Variants in PDZD7 observed in about 807,000 individuals in gnomAD.
The protein encoded by PDZD7 is PDZ domain containing 7, also known as PDZ domain-containing protein 7.
Under a neutral mutation model 84.7 loss-of-function variants are expected in PDZD7, and 72 were observed. The ratio of observed to expected loss-of-function variants is 0.85; its 90% CI spans 0.70 to 1.03. The LOEUF (loss-of-function observed/expected upper bound fraction) is 1.03. PDZD7 is among the 50% of genes least tolerant of loss of function. PDZD7 has a pLI of 0.00. For synonymous variants in PDZD7, 594 were observed against 580.7 expected (o/e 1.02, Z -0.33); for missense variants, 1,490 against 1,412.9 (o/e 1.05, Z -0.87).
intron 13 of PDZD7, 32 bp from the exon 14 acceptor site, chr10:101,011,793 G>C: frequency 1.3e-6 from 2 of 1,550,498 alleles, no homozygotes; most frequent in East Asian, 2.4e-5. Flanking sequence ...TCAGCGGCAA[G>C]GTACCCCGCC....
Position 101,021,883 on chromosome 10 carries a change from G to T in PDZD7, c.782C>A (p.Ala261Asp). The T allele has an allele frequency of 6.2e-7, 1 of 1,614,138 alleles. No individual in the cohort carries two copies. Among genetic ancestry groups the T allele is most frequent in the Non-Finnish European group, 8.5e-7 (1 of 1,180,024 alleles). ...GATGTCGTCAAACCTGACACCGTTGGCTGCCAGGACCTGGTCCCCCACCTT... is the reference window on the plus strand; with the variant it reads ...GATGTCGTCAAACCTGACACCGTTGTCTGCCAGGACCTGGTCCCCCACCTT... ...GIKVGDQVLA[A>D]NGVRFDDISH... The change falls in exon 6 of 17, where the codon GCC becomes GAC. Residue 261 changes from alanine to aspartate, a missense_variant. Transcript: ENST00000619208.
At chr10:101,016,303 G>T in intron 10 of PDZD7, 74 bp downstream of exon 10, 1 of 1,468,190 alleles carries the variant, frequency 6.8e-7, no homozygotes, top group Non-Finnish European at 9.3e-7. Context: ...GAGCCACTCA[G>T]CTGGCCCCCA....
At chr10:101,017,618 A>G in intron 9 of PDZD7, 3 of 701,808 alleles carry the variant, frequency 4.3e-6, no homozygotes, top group Non-Finnish European at 7.8e-6. Context: ...CCCCATCTCT[A>G]CAAAAAGATG....
intron 2 of PDZD7, among the ~76,000 whole-genome samples, chr10:101,025,693 G>T (rs528528608): frequency 1.3e-5 from 2 of 150,886 alleles, no homozygotes; most frequent in African/African-American, 4.9e-5. Flanking sequence ...GACTACAGGC[G>T]CCCACCACCA....
In PDZD7 at chr10:101,023,532, G is replaced by A. The variant is rs761446777; in HGVS notation, c.446C>T (p.Ala149Val). 3 of 1,613,964 alleles carry A rather than the reference G, an allele frequency of 1.9e-6. No individual in the cohort carries two copies. The highest frequency in any genetic ancestry group is 1.3e-5 in the African/African-American group (1 of 74,904). Residue 149 changes from alanine (A) to valine (V), a missense_variant, in exon 4 of 17, where the codon GCC (alanine) becomes GTC (valine). By Grantham distance (64) the Ala-to-Val change is moderately conservative. Transcript: ENST00000619208. ...LSLESTTMGS[A>V]VKVLTSSSRL... is the part of the protein sequence containing the mutation. ...GCTGCTGCTGGTCAGCACCTTTACG[G>A]CGCTACCCATGGTGGTGCTCTCCAG...
Position 101,030,233 on chromosome 10 carries a change from G to T in PDZD7, c.-14C>A. ...ACCCTGCGCCATGGCGGCTGGGCTA[G>T]GGCGGCACCCTACAGGTCCAGAAGG... On this transcript the variant is annotated 5_prime_UTR_variant, in exon 2 of 17. Coordinates refer to ENST00000619208, the MANE Select transcript of PDZD7 (RefSeq NM_001195263.2). 1 of 1,586,702 alleles carries T rather than the reference G, an allele frequency of 6.3e-7. No individual in the cohort carries two copies. The highest frequency in any genetic ancestry group is 8.6e-7 in the Non-Finnish European group (1 of 1,169,090).
At position 101,007,915 on chromosome 10, in the gene PDZD7, C is replaced by CTCA. The variant is rs2133990429; in HGVS notation, c.*549_*551dup. 1 of 136,430 alleles carries CTCA rather than the reference C, an allele frequency of 7.3e-6. No individual in the cohort carries two copies. The highest frequency in any genetic ancestry group is 2.7e-4 in the South Asian group (1 of 3,710). The allele number at this position is 136,430 out of a possible 1,614,324, so 8.5% of individuals were successfully genotyped here. A position where few individuals can be genotyped will look rare whatever the true frequency, so the allele number is the denominator to read the frequency against. On this transcript the variant is annotated 3_prime_UTR_variant, in exon 17 of 17. Transcript: ENST00000619208. ...CCATTTGCTGGCTATTCTCCTCCCC[C>CTCA]TCATAGAGCTCTCTTGGGGAGAAAA...
chr10:101,010,190 T>A, intron 15 of PDZD7, 82 bp downstream of exon 15: 1 of 1,434,582 alleles, frequency 7.0e-7, no homozygotes, highest in East Asian at 2.5e-5. Flanking sequence ...CCTCTGCGCC[T>A]GGCCCAATAC....
rs756892517 is a variant in PDZD7, at chr10:101,019,024, G to A, written c.1122C>T (p.Pro374=). 6.4e-7 allele frequency: 1 copy of A among 1,573,632 alleles called. No individual in the cohort carries two copies. The highest frequency in any genetic ancestry group is 1.2e-5 in the South Asian group (1 of 86,522). ...AGGTCTCCACCCGGCCTCCCGCATC[G>A]GGCTCCGTCTGCATGGCTGTGTCCG... ...GRADTAMQTE[P]DAGGRVETWC... Residue 374 remains proline (P), a synonymous_variant, in exon 8 of 17, where the codon CCC becomes CCT. Transcript: ENST00000619208.
intron 7 of PDZD7, among the ~76,000 whole-genome samples, chr10:101,019,737 T>A (rs1852967480): frequency 6.6e-6 from 1 of 151,742 alleles, no homozygotes; most frequent in African/African-American, 2.4e-5. Context: ...GCGATTCTTG[T>A]GCCTCAGCTT....
intron 11 of PDZD7, among the ~76,000 whole-genome samples, chr10:101,013,488 C>T (rs1201924439): frequency 1.3e-5 from 2 of 152,176 alleles, no homozygotes; most frequent in African/African-American, 4.8e-5. Flanking sequence ...GGTATTTTGA[C>T]TGACTCTTAG....
Position 101,030,373 on chromosome 10 carries a change from T to C in PDZD7, c.-154A>G, listed in dbSNP as rs1938055246. 15 of 729,674 alleles carry C rather than the reference T, an allele frequency of 2.1e-5. No individual in the cohort carries two copies. The highest frequency in any genetic ancestry group is 6.0e-5 in the Admixed American group (3 of 49,990). 45.2% of individuals were successfully genotyped at this position (729,674 alleles called of 1,614,324 possible). A position where few individuals can be genotyped will look rare whatever the true frequency, so the allele number is the denominator to read the frequency against. On this transcript the variant is annotated 5_prime_UTR_variant, in exon 2 of 17. Transcript: ENST00000619208. ...TCGCTTGCGATGCCTCTCAGAAGTG[T>C]GAGCTCCAGGCCTGGGCAGGGAGAG...
intron 14 of PDZD7, 26 bp from the exon 15 acceptor site, chr10:101,010,909 G>A (rs1186460648): frequency 3.3e-6 from 5 of 1,518,138 alleles, no homozygotes; most frequent in Non-Finnish European, 4.4e-6. Flanking sequence ...AAGGTCAGCT[G>A]CCCACTCCTC....
Position 101,018,280 on chromosome 10 carries a change from C to T in PDZD7, c.1341G>A (p.Arg447=), listed in dbSNP as rs1236094395. The change falls in exon 9 of 17, where the codon CGG becomes CGA. Residue 447 remains arginine, a synonymous_variant. Transcript: ENST00000619208. ...CAGGGGACCCCGACTTCTCCTTCTT[C>T]CGCTGCTGCTTCTCCTCTGCAGACA... ...YLTLWEEKQQ[R]KKEKSGSPGE... The T allele has an allele frequency of 6.2e-7, 1 of 1,613,734 alleles. No homozygotes were observed. Among genetic ancestry groups the T allele is most frequent in the African/African-American group, 1.3e-5 (1 of 74,912 alleles).
Position 101,019,001 on chromosome 10 carries a change from G to A in PDZD7, c.1145C>T (p.Thr382Ile). 1 of 1,577,136 alleles carries A rather than the reference G, an allele frequency of 6.3e-7. No homozygotes were observed. Among genetic ancestry groups the A allele is most frequent in the Non-Finnish European group, 8.6e-7 (1 of 1,163,388 alleles). Residue 382 changes from threonine (T) to isoleucine (I), a missense_variant, in exon 8 of 17, where the codon ACC (threonine) becomes ATC (isoleucine). Physicochemically the swap from Thr to Ile is moderately conservative, Grantham distance 89. Transcript: ENST00000619208. Reference protein sequence around the residue: ...TEPDAGGRVETWCSVRPTVIL... With the variant: ...TEPDAGGRVEIWCSVRPTVIL... The stretch of plus-strand genomic sequence containing the variant: ...GACTGTGGGCCGCACGCTGCACCAG[G>A]TCTCCACCCGGCCTCCCGCATCGGG...
chr10:101,016,974 T>A (rs1050576498), intron 9 of PDZD7, among the ~76,000 whole-genome samples: 2 of 152,132 alleles, frequency 1.3e-5, no homozygotes, highest in Admixed American at 1.3e-4. Flanking sequence ...ATCCTCTGGT[T>A]GTTTTGTTGA....
At chr10:101,015,863 CTGGGCCCCAGAAT>C in intron 10 of PDZD7, 52 bp from the exon 11 acceptor site, 1 of 1,510,046 alleles carries the variant, frequency 6.6e-7, no homozygotes, top group Admixed American at 2.1e-5. Flanking sequence ...CTCAGCAGGG[CTGGGCCCCAGAAT>C]TGGCCAGCTG....
At chr10:101,011,786 GC>G (rs767643201) in intron 13 of PDZD7, 25 bp from the exon 14 acceptor site, 25 of 1,550,422 alleles carry the variant, frequency 1.6e-5, no homozygotes, top group Non-Finnish European at 2.0e-5. Context: ...GAACAGGTCA[GC>G]GGCAAGGTAC....
In PDZD7 at chr10:101,030,127, T is replaced by C; in HGVS notation, c.93A>G (p.Leu31=). Residue 31 remains leucine, a synonymous_variant, in exon 2 of 17, where the codon CTA becomes CTG. Transcript: ENST00000619208. The part of the protein sequence containing the change: ...SLSSLSSRGH[L]GSDSGSTATR... ...TTGCGGTGGAGCCTGAGTCGCTGCC[T>C]AGGTGGCCTCGGGAGGAGAGGGAGC... The C allele has an allele frequency of 6.2e-7, 1 of 1,614,122 alleles. No individual in the cohort carries two copies. Among genetic ancestry groups the C allele is most frequent in the Non-Finnish European group, 8.5e-7 (1 of 1,180,018 alleles).
Sources: allele counts gnomAD v4.1 joint callset (sites outside exome capture counted in the v4.1 genomes callset), GRCh38; gene constraint gnomAD v4.1.1; transcripts MANE v1.5; gene names NCBI Gene and HGNC (gene_info 2026-07-23, HGNC 2026-07-21).